Variants in BMP2K observed in about 807,000 individuals in gnomAD.
The protein encoded by BMP2K is BMP-2-inducible protein kinase.
Under a neutral mutation model 116.0 loss-of-function variants are expected in BMP2K, and 74 were observed. That is an observed-to-expected ratio of 0.64 (90% CI 0.53 to 0.77). The LOEUF is 0.77. BMP2K is among the 30% of genes least tolerant of loss of function. The pLI, the probability that BMP2K is intolerant of heterozygous loss-of-function variation, is 0.00. For synonymous variants in BMP2K, 486 were observed against 502.5 expected, an observed-to-expected ratio of 0.97 and a Z score of 0.44; for missense variants, 1,365 against 1,403.6, an observed-to-expected ratio of 0.97 and a Z score of 0.44.
At chr4:78,898,984 A>G (rs1257020942) in intron 15 of BMP2K, 2 of 152,332 alleles carry the variant, frequency 1.3e-5, no homozygotes, top group East Asian at 1.9e-4. Flanking sequence ...TTGGACCTCA[A>G]TATGGTGACC....
intron 1 of BMP2K, among the ~76,000 whole-genome samples, chr4:78,791,533 TTCA>T (rs1245288936): frequency 6.6e-6 from 1 of 151,946 alleles, no homozygotes; most frequent in African/African-American, 2.4e-5. Context: ...TTGTTGTGCA[TTCA>T]TCATCACTAT....
intron 15 of BMP2K, among the ~76,000 whole-genome samples, chr4:78,891,654 A>G (rs1322025889): frequency 6.6e-6 from 1 of 152,066 alleles, no homozygotes; most frequent in Non-Finnish European, 1.5e-5. Context: ...ATATTATTGG[A>G]TGCAGTATAT....
intron 1 of BMP2K, among the ~76,000 whole-genome samples, chr4:78,819,340 C>T (rs1024842428): frequency 1.3e-5 from 2 of 152,152 alleles, no homozygotes; most frequent in East Asian, 3.9e-4. Flanking sequence ...CAGCTGTGAG[C>T]CACTGTGCCT....
At position 78,911,699 on chromosome 4, in the gene BMP2K, A is replaced by T. The variant is rs751281890; in HGVS notation, c.3152A>T (p.Asp1051Val). The change falls in exon 16 of 16, where the codon GAT (aspartate) becomes GTT (valine). Residue 1051 changes from aspartate to valine, a missense_variant. By Grantham distance (152) the Asp-to-Val change is radical. Transcript: ENST00000502613. ...SKENISVALT[D>V]GKDRGNVLQP... Reference sequence around the variant, plus strand: ...GAGAACATTAGTGTTGCACTGACTGATGGGAAAGATAGGGGGAATGTCTTA... The same window carrying T: ...GAGAACATTAGTGTTGCACTGACTGTTGGGAAAGATAGGGGGAATGTCTTA... 1.9e-5 allele frequency: 31 copies of T among 1,613,762 alleles called. 1 individual carries two copies. The South Asian group carries it at 3.4e-4, about 18-fold the overall frequency.
In BMP2K at chr4:78,872,610, T is replaced by G; in HGVS notation, c.1609-4T>G. The G allele has an allele frequency of 6.2e-7, 1 of 1,613,434 alleles. No individual in the cohort carries two copies. The highest frequency in any genetic ancestry group is 1.1e-5 in the South Asian group (1 of 91,028). On this transcript the variant is annotated splice_polypyrimidine_tract_variant and splice_region_variant and intron_variant, in intron 12 of 15. Transcript: ENST00000502613. Reference sequence around the variant, plus strand: ...GTTTTGTATAATATCATTTCTTTTTTCAGATGCCGCAGTATCAGCAGGCTT... The same window carrying G: ...GTTTTGTATAATATCATTTCTTTTTGCAGATGCCGCAGTATCAGCAGGCTT...
In BMP2K at chr4:78,776,724, AC is replaced by A; in HGVS notation, c.178+4del. 2 of 1,261,930 alleles carry A rather than the reference AC, an allele frequency of 1.6e-6. No homozygotes were observed. The highest frequency in any genetic ancestry group is 1.5e-5 in the African/African-American group (1 of 65,272). The allele number at this position is 1,261,930 out of a possible 1,614,324, so 78.2% of individuals were successfully genotyped here. Reference sequence around the variant, plus strand: ...CCTGGAAGAGTCGCTGGCCGAAGGTACGGGCGCCCGGGGAGGCTCGGACAGG... The same window carrying A: ...CCTGGAAGAGTCGCTGGCCGAAGGTAGGGCGCCCGGGGAGGCTCGGACAGG... On this transcript the variant is annotated splice_donor_region_variant and intron_variant, in intron 1 of 15. Coordinates refer to ENST00000502613, the MANE Select transcript of BMP2K (RefSeq NM_198892.2).
intron 1 of BMP2K, among the ~76,000 whole-genome samples, chr4:78,825,062 G>A (rs546846839): frequency 6.6e-6 from 1 of 152,134 alleles, no homozygotes; most frequent in Non-Finnish European, 1.5e-5. Flanking sequence ...AAATTAGCCA[G>A]GTGTGGTGGC....
chr4:78,911,484 C>G lies in BMP2K; in HGVS notation c.2937C>G (p.Ser979=), dbSNP rs765867126. The change falls in exon 16 of 16, where the codon TCC becomes TCG. Residue 979 remains serine, a synonymous_variant. Transcript: ENST00000502613. ...KVKQRSLQKL[S]SRQRRTKQDM... ...AACAGCGCAGCTTACAGAAACTGTC[C>G]TCTCGCCAAAGGCGCACAAAGCAGG... 5.3e-5 allele frequency: 85 copies of G among 1,613,924 alleles called. No homozygotes were observed. The highest frequency in any genetic ancestry group is 4.0e-4 in the Admixed American group (24 of 60,012).
At chr4:78,861,645 A>G (rs1731796509) in intron 9 of BMP2K, among the ~76,000 whole-genome samples, 177 bp downstream of exon 9, 1 of 152,004 alleles carries the variant, frequency 6.6e-6, no homozygotes, top group Non-Finnish European at 1.5e-5. Flanking sequence ...AAAATATTAG[A>G]TAAGGAGTCT....
chr4:78,777,570 G>T (rs934473959), intron 1 of BMP2K, among the ~76,000 whole-genome samples: 6 of 152,182 alleles, frequency 3.9e-5, no homozygotes, highest in African/African-American at 1.4e-4. Flanking sequence ...TACTTGCCCT[G>T]TGTGCTGCAT....
At chr4:78,908,383 C>G (rs1172578853) in intron 15 of BMP2K, among the ~76,000 whole-genome samples, 1 of 152,208 alleles carries the variant, frequency 6.6e-6, no homozygotes. Context: ...CTCTCCATTT[C>G]TGTGACATTG....
At chr4:78,789,846 C>T (rs931695667) in intron 1 of BMP2K, among the ~76,000 whole-genome samples, 4 of 152,166 alleles carry the variant, frequency 2.6e-5, no homozygotes, top group Non-Finnish European at 5.9e-5. Context: ...GGAGGACCTC[C>T]TGTAGGGAGA....
chr4:78,861,329 A>G, intron 8 of BMP2K, 60 bp from the exon 9 acceptor site: 1 of 1,390,816 alleles, frequency 7.2e-7, no homozygotes, highest in East Asian at 2.4e-5. Context: ...TAGCTTACAA[A>G]AACTTTCTGC....
intron 1 of BMP2K, among the ~76,000 whole-genome samples, chr4:78,810,380 G>A (rs555895493): frequency 7.9e-5 from 12 of 152,012 alleles, no homozygotes; most frequent in Non-Finnish European, 1.6e-4. Context: ...AGAGTTTTTC[G>A]AAGCCCCTGT....
intron 1 of BMP2K, among the ~76,000 whole-genome samples, chr4:78,806,975 G>T (rs916874431): frequency 2.0e-5 from 3 of 151,408 alleles, no homozygotes; most frequent in Non-Finnish European, 4.4e-5. Flanking sequence ...TCAGCTTCCC[G>T]AGTAGCTGGG....
At position 78,776,601 on chromosome 4, in the gene BMP2K, G is replaced by A. The variant is rs1727250429; in HGVS notation, c.58G>A (p.Gly20Ser). 1 of 1,187,132 alleles carries A rather than the reference G, an allele frequency of 8.4e-7. No individual in the cohort carries two copies. The allele number at this position is 1,187,132 out of a possible 1,614,324, so 73.5% of individuals were successfully genotyped here. ...GGGCGGCAGCGGCGGCGGAGCGGCG[G>A]GTGGCGGGGCTGGCGGGGCCGGGGC... is the stretch of plus-strand genomic sequence containing the variant. The part of the protein sequence containing the change: ...SEGGSGGGAA[G>S]GGAGGAGAGA... The change falls in exon 1 of 16, where the codon GGT (glycine) becomes AGT (serine). Residue 20 changes from glycine to serine, a missense_variant. By Grantham distance (56) the Gly-to-Ser change is moderately conservative. Coordinates refer to ENST00000502613, the MANE Select transcript of BMP2K (RefSeq NM_198892.2).
chr4:78,894,718 T>G (rs748076421), intron 15 of BMP2K, among the ~76,000 whole-genome samples: 1 of 152,232 alleles, frequency 6.6e-6, no homozygotes, highest in Non-Finnish European at 1.5e-5. Flanking sequence ...ATTTTTCCTT[T>G]GTGTTCACTT....
intron 7 of BMP2K, among the ~76,000 whole-genome samples, chr4:78,851,595 CTTG>C (rs1006597206): frequency 1.1e-4 from 16 of 152,034 alleles, no homozygotes; most frequent in Non-Finnish European, 2.9e-5. Context: ...TCAAGTACCC[CTTG>C]TTGTAGCCTC....
intron 9 of BMP2K, among the ~76,000 whole-genome samples, chr4:78,864,263 GTACAA>G (rs1280722428): frequency 6.6e-6 from 1 of 152,038 alleles, no homozygotes; most frequent in Non-Finnish European, 1.5e-5. Context: ...GAGAGATTGT[GTACAA>G]TATTTCCCCC....
Sources: gnomAD v4.1 joint callset for allele counts (sites outside exome capture counted in the v4.1 genomes callset) on GRCh38, gnomAD v4.1.1 for gene constraint, MANE v1.5 for transcripts, NCBI Gene and HGNC (gene_info 2026-07-23, HGNC 2026-07-21) for gene names.